The following IMPG2 variants were observed in gnomAD, a reference collection of about 807,000 sequenced individuals.
IMPG2 encodes the protein interphotoreceptor matrix proteoglycan 2, also known as IPM 200.
IMPG2 carries 91 observed loss-of-function variants against 129.2 expected under a neutral mutation model. The ratio of observed to expected loss-of-function variants is 0.70; its 90% CI spans 0.59 to 0.84. IMPG2 has a LOEUF of 0.84. Ranked by LOEUF, IMPG2 falls within the 40% of genes least tolerant of loss-of-function variation. The pLI, the probability that IMPG2 is intolerant of heterozygous loss-of-function variation, is 0.00. For synonymous variants in IMPG2, 510 were observed against 517.7 expected, an observed-to-expected ratio of 0.99 and a Z score of 0.20; for missense variants, 1,430 against 1,461.7, an observed-to-expected ratio of 0.98 and a Z score of 0.35.
intron 4 of IMPG2, among the ~76,000 whole-genome samples, chr3:101,279,376 T>C (rs1706870299): frequency 6.6e-6 from 1 of 152,158 alleles, no homozygotes; most frequent in African/African-American, 2.4e-5. Flanking sequence ...TTATGTAAAA[T>C]AGGCCCACTG....
rs564325462 is a variant in IMPG2 at position 101,242,349 on chromosome 3, C to T, written c.3022+339G>A. Among the ~76,000 whole-genome samples the T allele has an allele frequency of 2.0e-5, 3 of 152,226 alleles. No individual in the cohort carries two copies. The South Asian group carries it at 6.2e-4, about 32-fold the overall frequency. ...AAGACAATGCACATGGATGCAAAAA[C>T]TTAAAGGGAAGATGGCCCAAACCTT... On this transcript the variant is annotated intron_variant, in intron 14 of 18. Transcript: ENST00000193391.
chr3:101,277,009 T>C (rs1320721622), intron 4 of IMPG2, among the ~76,000 whole-genome samples: 1 of 152,192 alleles, frequency 6.6e-6, no homozygotes, highest in African/African-American at 2.4e-5. Flanking sequence ...TTATTTATCT[T>C]CTTATTTATC....
At chr3:101,303,021 A>C (rs500480) in intron 3 of IMPG2, among the ~76,000 whole-genome samples, 109,151 of 152,028 alleles carry the variant, frequency 0.72, 40,348 homozygotes, top group East Asian at 0.84. Flanking sequence ...GAATAGGATA[A>C]TATATTTTAT....
chr3:101,258,100 C>T (rs1485697182), intron 9 of IMPG2, among the ~76,000 whole-genome samples: 3 of 152,178 alleles, frequency 2.0e-5, no homozygotes, highest in African/African-American at 7.2e-5. Context: ...CACTATGAGC[C>T]TACTTCCTTC....
chr3:101,299,708 C>G (rs1446538888), intron 3 of IMPG2, among the ~76,000 whole-genome samples: 2 of 152,172 alleles, frequency 1.3e-5, no homozygotes, highest in Non-Finnish European at 2.9e-5. Flanking sequence ...CCCTACTCAT[C>G]TGGTTCATTC....
At chr3:101,242,404 T>C (rs1351419478) in intron 14 of IMPG2, among the ~76,000 whole-genome samples, 3 of 152,142 alleles carry the variant, frequency 2.0e-5, no homozygotes, top group Non-Finnish European at 4.4e-5. Context: ...ATAGCAAGAA[T>C]AGATCCAGTA....
intron 7 of IMPG2, among the ~76,000 whole-genome samples, 159 bp from the exon 8 acceptor site, chr3:101,269,732 A>C (rs1030126074): frequency 6.6e-5 from 10 of 152,150 alleles, no homozygotes; most frequent in Non-Finnish European, 1.2e-4. Context: ...GAAAGAAAAA[A>C]TTTTACCTAA....
chr3:101,316,866 T>C lies in IMPG2; in HGVS notation c.334+2718A>G, dbSNP rs145533938. ...CCCATATTGTGGTATATCCGTAATA[T>C]AGAATACTACCCAACAATAAAAGCT... On this transcript the variant is annotated intron_variant, in intron 2 of 18. Coordinates refer to ENST00000193391, the MANE Select transcript of IMPG2 (RefSeq NM_016247.4). Among the ~76,000 whole-genome samples, 178 of 152,212 alleles carry C rather than the reference T, an allele frequency of 1.2e-3. 1 individual carries two copies. The East Asian group carries it at 0.018, about 15-fold the overall frequency.
chr3:101,225,839 T>C lies in IMPG2; in HGVS notation c.*1130A>G, dbSNP rs1559637653. The C allele has an allele frequency of 6.6e-6, 1 of 152,242 alleles. No homozygotes were observed. The highest frequency in any genetic ancestry group is 1.5e-5 in the Non-Finnish European group (1 of 68,142). The allele number at this position is 152,242 out of a possible 1,614,324, so 9.4% of individuals were successfully genotyped here. A position where few individuals can be genotyped will look rare whatever the true frequency, so the allele number is the denominator to read the frequency against. On this transcript the variant is annotated 3_prime_UTR_variant, in exon 19 of 19. Transcript: ENST00000193391. ...CTAGGGGGAAAGAGGAAAATTTCCA[T>C]TTTCTGTCAAAATTTATATAAGGTA...
intron 9 of IMPG2, among the ~76,000 whole-genome samples, chr3:101,265,546 A>G (rs1201878114): frequency 2.0e-5 from 3 of 152,092 alleles, no homozygotes; most frequent in Non-Finnish European, 4.4e-5. Flanking sequence ...CAAAAAATCC[A>G]CTCAAAATAG....
At chr3:101,269,423 A>C (rs954636080) in intron 8 of IMPG2, 92 bp downstream of exon 8, 11 of 775,498 alleles carry the variant, frequency 1.4e-5, no homozygotes, top group Non-Finnish European at 2.3e-5. Flanking sequence ...CAAACCATTT[A>C]TTGTTAGAAT....
intron 4 of IMPG2, among the ~76,000 whole-genome samples, chr3:101,278,441 G>A (rs556585011): frequency 6.6e-6 from 1 of 152,210 alleles, no homozygotes; most frequent in South Asian, 2.1e-4. Flanking sequence ...AGATAAACAT[G>A]GCACACACTT....
rs928288655 is a variant in IMPG2, at chr3:101,246,097, G to A, written c.1248C>T (p.Thr416=). ...CTGCTGAGGGCCATGCAGCTTGAAA[G>A]GTATTATCCTGGGGGGAAAAAAAGG... is the stretch of plus-strand genomic sequence containing the variant. The part of the protein sequence containing the change: ...QATPSSILDN[T]FQAAWPSADE... The change falls in exon 12 of 19, where the codon ACC becomes ACT. Residue 416 remains threonine, a synonymous_variant. Transcript: ENST00000193391. 2 of 1,613,822 alleles carry A rather than the reference G, an allele frequency of 1.2e-6. No individual in the cohort carries two copies. The highest frequency in any genetic ancestry group is 1.7e-6 in the Non-Finnish European group (2 of 1,179,912).
rs761594794 is a variant in IMPG2, at chr3:101,269,598, A to G, written c.829-25T>C. The G allele has an allele frequency of 1.5e-5, 20 of 1,360,142 alleles. No homozygotes were observed. In the South Asian group the frequency reaches 2.4e-4, roughly 16 times the overall value. The allele number at this position is 1,360,142 out of a possible 1,614,324, so 84.3% of individuals were successfully genotyped here. A position where few individuals can be genotyped will look rare whatever the true frequency, so the allele number is the denominator to read the frequency against. ...CCTGTTAAAAGTACAAATAAAAATGATAACTATGTAAAAATATGGAAAAAT... is the reference window on the plus strand; with the variant it reads ...CCTGTTAAAAGTACAAATAAAAATGGTAACTATGTAAAAATATGGAAAAAT... On this transcript the variant is annotated intron_variant, in intron 7 of 18. Coordinates refer to ENST00000193391, the MANE Select transcript of IMPG2 (RefSeq NM_016247.4).
At chr3:101,305,059 C>T (rs909549971) in intron 2 of IMPG2, among the ~76,000 whole-genome samples, 2 of 151,936 alleles carry the variant, frequency 1.3e-5, no homozygotes, top group Admixed American at 6.6e-5. Context: ...TATTTAAAGT[C>T]GCTTTATTCA....
intron 4 of IMPG2, among the ~76,000 whole-genome samples, chr3:101,277,380 C>T (rs1277545585): frequency 2.0e-5 from 3 of 152,120 alleles, no homozygotes; most frequent in Non-Finnish European, 4.4e-5. Context: ...TACTATGTGC[C>T]AGGCAATGTA....
intron 4 of IMPG2, among the ~76,000 whole-genome samples, chr3:101,281,753 T>C (rs971468818): frequency 1.3e-5 from 2 of 152,114 alleles, no homozygotes; most frequent in African/African-American, 2.4e-5. Flanking sequence ...GACCCTTTCA[T>C]GTGGAAGAGA....
Position 101,320,404 on chromosome 3 carries a change from C to T in IMPG2, c.-32G>A, listed in dbSNP as rs768046545. 7.3e-7 allele frequency: 1 copy of T among 1,368,480 alleles called. No homozygotes were observed. Among genetic ancestry groups the T allele is most frequent in the Non-Finnish European group, 1.0e-6 (1 of 958,574 alleles). 84.8% of individuals were successfully genotyped at this position (1,368,480 alleles called of 1,614,324 possible). On this transcript the variant is annotated 5_prime_UTR_variant, in exon 1 of 19. Transcript: ENST00000193391. The stretch of plus-strand genomic sequence containing the variant: ...CAAAACCAAAGGAATGAGGAGAGGA[C>T]AGAATCCTTAATTGAGTGTCCAAAT...
intron 12 of IMPG2, 88 bp from the exon 13 acceptor site, chr3:101,244,875 C>T (rs1412155002): frequency 3.5e-6 from 4 of 1,140,836 alleles, no homozygotes; most frequent in Non-Finnish European, 5.2e-6. Flanking sequence ...CCTGTTTTTT[C>T]CCTGTGAAGT....
Sources: gnomAD v4.1 joint callset for allele counts (sites outside exome capture counted in the v4.1 genomes callset) on GRCh38, gnomAD v4.1.1 for gene constraint, MANE v1.5 for transcripts, NCBI Gene and HGNC (gene_info 2026-07-23, HGNC 2026-07-21) for gene names.